PCDHGB2: variants seen among roughly 807,000 people sequenced by gnomAD.
The protein encoded by PCDHGB2 is protocadherin gamma subfamily B, 2.
In PCDHGB2, 55 loss-of-function variants were observed where a neutral mutation model predicts 59.3. The ratio of observed to expected loss-of-function variants is 0.93; its 90% CI spans 0.75 to 1.16. The LOEUF is 1.16. PCDHGB2 is among the 50% of genes most tolerant of loss of function. PCDHGB2 has a pLI of 0.00. For synonymous variants in PCDHGB2, 516 were observed against 512.0 expected, an observed-to-expected ratio of 1.01 and a Z score of -0.11; for missense variants, 1,228 against 1,198.5, an observed-to-expected ratio of 1.02 and a Z score of -0.36.
chr5:141,507,781 C>A (rs2099863256), intron 3 of PCDHGB2, among the ~76,000 whole-genome samples: 1 of 152,214 alleles, frequency 6.6e-6, no homozygotes, highest in South Asian at 2.1e-4. Flanking sequence ...CAGGGCCTGA[C>A]CCTCGTCTAA....
In PCDHGB2 at chr5:141,489,911, G is replaced by A; in HGVS notation, c.2422-4896G>A. On this transcript the variant is annotated intron_variant, in intron 1 of 3. Transcript: ENST00000522605. The surrounding 1 kb of genome is among the most constrained non-coding windows in gnomAD (Gnocchi z 4.5). ...GATGGGGGGACCCCAGCCCGCTCAG[G>A]GACCACCCTTATCTCTGTCATCGTG... 3.7e-6 allele frequency: 6 copies of A among 1,614,198 alleles called. No individual in the cohort carries two copies. Among genetic ancestry groups the A allele is most frequent in the Non-Finnish European group, 5.1e-6 (6 of 1,180,042 alleles).
intron 1 of PCDHGB2, among the ~76,000 whole-genome samples, chr5:141,420,868 G>C (rs1479734969): frequency 6.6e-6 from 1 of 152,222 alleles, no homozygotes; most frequent in Non-Finnish European, 1.5e-5. Context: ...GTCACATAAT[G>C]TAAGTATTGT....
chr5:141,376,208 A>G, intron 1 of PCDHGB2: 1 of 1,614,128 alleles, frequency 6.2e-7, no homozygotes, highest in Non-Finnish European at 8.5e-7. Context: ...GGCCTTCGTC[A>G]TCGTGCTGCT....
intron 1 of PCDHGB2, among the ~76,000 whole-genome samples, chr5:141,445,945 C>G (rs1433543714): frequency 1.3e-5 from 2 of 152,254 alleles, no homozygotes; most frequent in Non-Finnish European, 2.9e-5. Flanking sequence ...TAAGCTTACT[C>G]TGGCTGCTAT....
chr5:141,398,776 G>C, intron 1 of PCDHGB2: 2 of 1,613,904 alleles, frequency 1.2e-6, no homozygotes. Context: ...TGCCTTGGAC[G>C]GTGGACATCC....
At chr5:141,415,473 C>T in intron 1 of PCDHGB2, 2 of 1,614,224 alleles carry the variant, frequency 1.2e-6, no homozygotes, top group Non-Finnish European at 1.7e-6. Flanking sequence ...TCACCGCGGA[C>T]TCGCGAAAGA....
At chr5:141,374,056 T>A in intron 1 of PCDHGB2, 1 of 1,485,728 alleles carries the variant, frequency 6.7e-7, no homozygotes, top group Non-Finnish European at 8.9e-7. Context: ...CTCTTCTTAA[T>A]CCCAGAGAAG....
intron 1 of PCDHGB2, among the ~76,000 whole-genome samples, chr5:141,430,101 G>C (rs918427744): frequency 6.6e-6 from 1 of 152,036 alleles, no homozygotes; most frequent in African/African-American, 2.4e-5. Context: ...ATTTTTAAGC[G>C]TTACATGTCA....
At chr5:141,413,195 G>T (rs771456948) in intron 1 of PCDHGB2, 1 of 1,610,846 alleles carries the variant, frequency 6.2e-7, no homozygotes, top group South Asian at 1.1e-5. Context: ...CAAAGGAATC[G>T]CTCAAAGGAA....
chr5:141,445,302 A>C (rs2098462947), intron 1 of PCDHGB2, among the ~76,000 whole-genome samples: 1 of 152,220 alleles, frequency 6.6e-6, no homozygotes, highest in African/African-American at 2.4e-5. Flanking sequence ...CATTCTCTTC[A>C]GTTTGTAGGT....
Position 141,393,858 on chromosome 5 carries a change from A to G in PCDHGB2, c.2421+31302A>G, listed in dbSNP as rs777304987. The G allele has an allele frequency of 1.2e-5, 20 of 1,613,912 alleles. No homozygotes were observed. Among genetic ancestry groups the G allele is most frequent in the Admixed American group, 8.3e-5 (5 of 60,008 alleles). On this transcript the variant is annotated intron_variant, in intron 1 of 3. Transcript: ENST00000522605. ...AAATGACAATAGACCAGAAGTGATC[A>G]TTACGTCTTTGTTTAGCCCAGTGTT...
At chr5:141,374,266 G>T in intron 1 of PCDHGB2, 1 of 1,614,016 alleles carries the variant, frequency 6.2e-7, no homozygotes, top group Non-Finnish European at 8.5e-7. Context: ...AGTTGGCGGA[G>T]CACGGAGTCC....
At chr5:141,443,312 C>T (rs1296976995) in intron 1 of PCDHGB2, among the ~76,000 whole-genome samples, 2 of 115,698 alleles carry the variant, frequency 1.7e-5, no homozygotes, top group Non-Finnish European at 3.3e-5. Flanking sequence ...AAAAACCCAT[C>T]TCTACAAAAA....
At chr5:141,420,887 G>C (rs2096530920) in intron 1 of PCDHGB2, among the ~76,000 whole-genome samples, 1 of 152,204 alleles carries the variant, frequency 6.6e-6, no homozygotes, top group African/African-American at 2.4e-5. Context: ...GTGTATCATC[G>C]TTTTTAAGCT....
intron 1 of PCDHGB2, among the ~76,000 whole-genome samples, chr5:141,454,836 C>T (rs1201514890): frequency 1.3e-4 from 11 of 85,100 alleles, no homozygotes; most frequent in African/African-American, 2.1e-4. Context: ...GAGACAGAGT[C>T]GCGCTCTGTC....
intron 2 of PCDHGB2, among the ~76,000 whole-genome samples, chr5:141,496,013 T>C (rs2154591828): frequency 6.6e-6 from 1 of 152,134 alleles, no homozygotes; most frequent in East Asian, 1.9e-4. Flanking sequence ...CTTGTCTTTT[T>C]TCTCTGAGCC....
chr5:141,422,151 G>A (rs763343536), intron 1 of PCDHGB2: 1 of 1,575,938 alleles, frequency 6.3e-7, no homozygotes, highest in Admixed American at 2.0e-5. Flanking sequence ...GGGGGTCTCT[G>A]GATTTTGAAA....
intron 1 of PCDHGB2, among the ~76,000 whole-genome samples, chr5:141,481,478 T>C (rs2099538352): frequency 6.6e-6 from 1 of 152,232 alleles, no homozygotes; most frequent in African/African-American, 2.4e-5. Context: ...GATTATACAC[T>C]TTAAATATGT....
intron 1 of PCDHGB2, chr5:141,410,849 C>CTTTTTTTTTCTTTTTTTTTTT (rs2095433801): frequency 7.7e-6 from 1 of 129,786 alleles, no homozygotes; most frequent in Non-Finnish European, 1.3e-5. Context: ...TTGTCTTTGT[C>CTTTTTTTTTCTTTTTTTTTTT]TTTTTTTTTT....
Sources: gnomAD v4.1 joint callset for allele counts (sites outside exome capture counted in the v4.1 genomes callset) on GRCh38, gnomAD v4.1.1 for gene constraint, Gnocchi (gnomAD v3.1) non-coding constraint, MANE v1.5 for transcripts, NCBI Gene and HGNC (gene_info 2026-07-23, HGNC 2026-07-21) for gene names.